The following C1orf52 variants were observed in gnomAD, a reference collection of about 807,000 sequenced individuals.
C1orf52 encodes UPF0690 protein C1orf52.
Under a neutral mutation model 17.2 loss-of-function variants are expected in C1orf52, and 5 were observed. The ratio of observed to expected loss-of-function variants is 0.29; its 90% CI spans 0.15 to 0.61. The LOEUF (loss-of-function observed/expected upper bound fraction) is 0.61. Ranked by LOEUF, C1orf52 falls within the 20% of genes least tolerant of loss-of-function variation. The pLI, the probability that C1orf52 is intolerant of heterozygous loss-of-function variation, is 0.85. For missense variants in C1orf52, 245 were observed against 234.1 expected (o/e 1.05, Z -0.30); for synonymous variants, 110 against 88.0 (o/e 1.25, Z -1.40).
chr1:85,259,444 T>C lies in C1orf52; in HGVS notation c.190A>G (p.Arg64Gly). 6.2e-7 allele frequency: 1 copy of C among 1,614,046 alleles called. No individual in the cohort carries two copies. Among genetic ancestry groups the C allele is most frequent in the Non-Finnish European group, 8.5e-7 (1 of 1,180,002 alleles). The change falls in exon 1 of 3, where the codon AGG (arginine) becomes GGG (glycine). Residue 64 changes from arginine (R) to glycine (G), a missense_variant. By Grantham distance (125) the Arg-to-Gly change is moderately radical (BLOSUM62 -2). Coordinates refer to ENST00000471115, the MANE Select transcript of C1orf52 (RefSeq NM_198077.4). ...KRLPGPDELFRSVTRPAFLYN... is the reference protein window; with the variant it reads ...KRLPGPDELFGSVTRPAFLYN... ...AGAAAGGCCGGGCGAGTCACGCTCCTAAACAGCTCGTCAGGTCCCGGGAGC... is the reference window on the plus strand; with the variant it reads ...AGAAAGGCCGGGCGAGTCACGCTCCCAAACAGCTCGTCAGGTCCCGGGAGC...
Position 85,258,852 on chromosome 1 carries a change from C to T in C1orf52, c.277-130G>A, listed in dbSNP as rs575527104. On this transcript the variant is annotated intron_variant, in intron 1 of 2. Transcript: ENST00000471115. ...TTTTTTTCTTTAAGGTTGAAAGACA[C>T]ATTTTTCCATCAAAATCACAATACT... 2.4e-4 allele frequency: 342 copies of T among 1,418,510 alleles called. No homozygotes were observed. In the African/African-American group the frequency reaches 4.5e-3, roughly 19 times the overall value. 87.9% of individuals were successfully genotyped at this position (1,418,510 alleles called of 1,614,324 possible).
chr1:85,256,928 T>TA (rs1414446727), intron 2 of C1orf52, among the ~76,000 whole-genome samples: 1 of 152,034 alleles, frequency 6.6e-6, no homozygotes, highest in Non-Finnish European at 1.5e-5. Context: ...TAGTGACTAA[T>TA]ACATATTAGA....
intron 1 of C1orf52, chr1:85,259,102 C>G: frequency 7.3e-7 from 1 of 1,361,372 alleles, no homozygotes; most frequent in Non-Finnish European, 9.5e-7. Flanking sequence ...TGTTAGTCCT[C>G]GCCGCGCGGG....
intron 2 of C1orf52, chr1:85,257,398 A>G: frequency 1.4e-6 from 1 of 696,178 alleles, no homozygotes; most frequent in Non-Finnish European, 2.6e-6. Context: ...AAGAACACTA[A>G]AGAATAAGGT....
chr1:85,256,278 T>C (rs1659933755), intron 2 of C1orf52, among the ~76,000 whole-genome samples: 2 of 152,232 alleles, frequency 1.3e-5, no homozygotes. Flanking sequence ...TAATCTCAGA[T>C]TGTTTTATCA....
intron 1 of C1orf52, 171 bp downstream of exon 1, chr1:85,259,187 G>T: frequency 8.9e-7 from 1 of 1,127,818 alleles, no homozygotes; most frequent in Non-Finnish European, 1.2e-6. Context: ...ACACCCACCA[G>T]GCGGGGAGAG....
intron 2 of C1orf52, among the ~76,000 whole-genome samples, chr1:85,255,476 G>C (rs2100732631): frequency 6.6e-6 from 1 of 151,152 alleles, no homozygotes; most frequent in East Asian, 2.0e-4. Context: ...CTTGAACCCG[G>C]GAGGCGGAGG....
Position 85,252,297 on chromosome 1 carries a change from A to T in C1orf52, c.*332T>A, listed in dbSNP as rs1659819418. 3.8e-6 allele frequency: 1 copy of T among 261,434 alleles called. No individual in the cohort carries two copies. Among genetic ancestry groups the T allele is most frequent in the African/African-American group, 2.3e-5 (1 of 43,740 alleles). 16.2% of individuals were successfully genotyped at this position (261,434 alleles called of 1,614,324 possible). ...CAGTACATTACAATATATTTACTTT[A>T]AAAATATATTCCTTTATAAAAGGTT... On this transcript the variant is annotated 3_prime_UTR_variant, in exon 3 of 3. Coordinates refer to ENST00000471115, the MANE Select transcript of C1orf52 (RefSeq NM_198077.4).
chr1:85,259,634 G>A lies in C1orf52; in HGVS notation c.-1C>T, dbSNP rs780780953. 92 of 1,544,832 alleles carry A rather than the reference G, an allele frequency of 6.0e-5. No homozygotes were observed. Among genetic ancestry groups the A allele is most frequent in the Non-Finnish European group, 7.2e-5 (82 of 1,142,798 alleles). ...GAGGGTCCTTCTCCTCCGCTGCCAT[G>A]ACGGCTGCGAGCGACAACCCAGCAC... On this transcript the variant is annotated 5_prime_UTR_variant, in exon 1 of 3. Coordinates refer to ENST00000471115, the MANE Select transcript of C1orf52 (RefSeq NM_198077.4).
chr1:85,252,755 G>A, intron 2 of C1orf52, 53 bp from the exon 3 acceptor site: 1 of 1,313,218 alleles, frequency 7.6e-7, no homozygotes, highest in East Asian at 2.3e-5. Flanking sequence ...AACCCAACAT[G>A]TTAAGCATTA....
At position 85,252,076 on chromosome 1, in the gene C1orf52, G is replaced by A. The variant is rs1463671407; in HGVS notation, c.*553C>T. The A allele has an allele frequency of 6.6e-6, 1 of 152,270 alleles. No homozygotes were observed. Among genetic ancestry groups the A allele is most frequent in the African/African-American group, 2.4e-5 (1 of 41,410 alleles). The allele number at this position is 152,270 out of a possible 1,614,324, so 9.4% of individuals were successfully genotyped here. A position where few individuals can be genotyped will look rare whatever the true frequency, so the allele number is the denominator to read the frequency against. ...GAGAAAATATATGCACAAAGCACCT[G>A]GAACACAGGAGGCACTCTTTAAATG... On this transcript the variant is annotated 3_prime_UTR_variant, in exon 3 of 3. Coordinates refer to ENST00000471115, the MANE Select transcript of C1orf52 (RefSeq NM_198077.4).
intron 2 of C1orf52, among the ~76,000 whole-genome samples, chr1:85,256,445 C>G (rs1659938285): frequency 6.6e-6 from 1 of 152,174 alleles, no homozygotes; most frequent in Non-Finnish European, 1.5e-5. Context: ...CCACATTTCT[C>G]TATCTTATTT....
At chr1:85,257,352 T>C (rs1331225178) in intron 2 of C1orf52, 1 of 652,768 alleles carries the variant, frequency 1.5e-6, no homozygotes, top group Non-Finnish European at 2.8e-6. Context: ...GATTTGGATT[T>C]TGAAGGATGA....
At chr1:85,255,025 C>CT (rs1241933453) in intron 2 of C1orf52, among the ~76,000 whole-genome samples, 1 of 152,026 alleles carries the variant, frequency 6.6e-6, no homozygotes, top group East Asian at 1.9e-4. Context: ...TTTTACTGAG[C>CT]TTTTTTACTC....
chr1:85,257,404 A>C, intron 2 of C1orf52: 1 of 702,244 alleles, frequency 1.4e-6, no homozygotes, highest in South Asian at 1.6e-5. Flanking sequence ...ACTAAAGAAT[A>C]AGGTGCAACG....
In C1orf52 at chr1:85,252,558, A is replaced by AAT. The variant is rs1659825006; in HGVS notation, c.*69_*70dup. 1.6e-6 allele frequency: 2 copies of AAT among 1,278,726 alleles called. No homozygotes were observed. The highest frequency in any genetic ancestry group is 2.5e-5 in the South Asian group (2 of 80,072). The allele number at this position is 1,278,726 out of a possible 1,614,324, so 79.2% of individuals were successfully genotyped here. A position where few individuals can be genotyped will look rare whatever the true frequency, so the allele number is the denominator to read the frequency against. ...ATGGAGATGTGGCATAATAACCCACAATATCAACTTAATCTGTCCAAAGAA... is the reference window on the plus strand; with the variant it reads ...ATGGAGATGTGGCATAATAACCCACAATATATCAACTTAATCTGTCCAAAGAA... On this transcript the variant is annotated 3_prime_UTR_variant, in exon 3 of 3. Transcript: ENST00000471115.
chr1:85,250,449 T>C lies in C1orf52; in HGVS notation c.*2180A>G, dbSNP rs1659774504. 6.6e-6 allele frequency: 1 copy of C among 152,240 alleles called. No homozygotes were observed. The highest frequency in any genetic ancestry group is 1.5e-5 in the Non-Finnish European group (1 of 68,054). 9.4% of individuals were successfully genotyped at this position (152,240 alleles called of 1,614,324 possible). ...TCACCTCAGTACCCACATGGACACT[T>C]GTGCAAACACGTTCCCAGGACATCT... On this transcript the variant is annotated 3_prime_UTR_variant, in exon 3 of 3. Transcript: ENST00000471115.
intron 2 of C1orf52, among the ~76,000 whole-genome samples, chr1:85,256,814 A>AAAAAAAAAAAAAG (rs1553178011): frequency 3.7e-5 from 4 of 108,176 alleles, no homozygotes; most frequent in East Asian, 2.4e-4. Context: ...AAAAAAAAAA[A>AAAAAAAAAAAAAG]AAAAGAAAAG....
At chr1:85,257,855 C>A (rs530832745) in intron 2 of C1orf52, among the ~76,000 whole-genome samples, 2 of 152,102 alleles carry the variant, frequency 1.3e-5, no homozygotes, top group African/African-American at 4.8e-5. Context: ...CTGTAAATCC[C>A]AACACTTTGG....
Sources: allele counts gnomAD v4.1 joint callset (sites outside exome capture counted in the v4.1 genomes callset), GRCh38; gene constraint gnomAD v4.1.1; transcripts MANE v1.5; gene names NCBI Gene and HGNC (gene_info 2026-07-23, HGNC 2026-07-21).